CLMP: variants seen among roughly 807,000 people sequenced by gnomAD.
CLMP encodes CXADR like cell adhesion molecule.
CLMP carries 27 observed loss-of-function variants against 45.2 expected under a neutral mutation model. The observed-to-expected ratio is 0.60, with a 90% CI of 0.44 to 0.82. The LOEUF is 0.82. Among genes scored for constraint, CLMP ranks in the 40% least tolerant of loss-of-function variants. The probability of loss-of-function intolerance (pLI) is 0.00; values close to 1 mark genes in which losing one functional copy is unlikely to be tolerated. For missense variants in CLMP, 403 were observed against 448.4 expected, an observed-to-expected ratio of 0.90 and a Z score of 0.91; for synonymous variants, 167 against 171.4, an observed-to-expected ratio of 0.97 and a Z score of 0.20.
chr11:123,134,639 C>A (rs898697027), intron 1 of CLMP, among the ~76,000 whole-genome samples: 2 of 145,562 alleles, frequency 1.4e-5, no homozygotes, highest in Non-Finnish European at 3.0e-5. Context: ...TGGTGAAACC[C>A]CATTTCTACT....
intron 2 of CLMP, among the ~76,000 whole-genome samples, chr11:123,086,957 G>A (rs753454937): frequency 3.3e-4 from 50 of 152,282 alleles, no homozygotes; most frequent in Admixed American, 1.9e-3. Flanking sequence ...ATTTTGGGAC[G>A]CCAAGGCAAG....
chr11:123,162,728 T>C (rs571825881), intron 1 of CLMP, among the ~76,000 whole-genome samples: 1 of 150,694 alleles, frequency 6.6e-6, no homozygotes, highest in Non-Finnish European at 1.5e-5. Context: ...AAACATTGTC[T>C]CTAAAAAAAA....
chr11:123,125,444 A>T (rs1591468070), intron 1 of CLMP, among the ~76,000 whole-genome samples: 2 of 110,752 alleles, frequency 1.8e-5, no homozygotes, highest in African/African-American at 3.4e-5. Flanking sequence ...CCCAGCACTC[A>T]CTCTCCCTTC....
chr11:123,128,035 CA>C (rs35399534), intron 1 of CLMP, among the ~76,000 whole-genome samples: 26,643 of 91,718 alleles, frequency 0.29, 2,811 homozygotes, highest in Middle Eastern at 0.4. Context: ...GACTCTGTCT[CA>C]AAAAAAAAAA....
chr11:123,162,558 G>T (rs1261769941), intron 1 of CLMP, among the ~76,000 whole-genome samples: 4 of 152,104 alleles, frequency 2.6e-5, no homozygotes, highest in Non-Finnish European at 5.9e-5. Context: ...TATGGGGTTT[G>T]CTGAGAGAGA....
intron 1 of CLMP, among the ~76,000 whole-genome samples, chr11:123,144,474 C>T (rs1164627327): frequency 6.6e-6 from 1 of 152,184 alleles, no homozygotes; most frequent in Non-Finnish European, 1.5e-5. Context: ...TGGGTTCAAG[C>T]GATTCTCCTG....
intron 5 of CLMP, among the ~76,000 whole-genome samples, chr11:123,078,298 A>G (rs1865763120): frequency 6.6e-6 from 1 of 152,200 alleles, no homozygotes; most frequent in African/African-American, 2.4e-5. Context: ...CTCTAGCTAT[A>G]AGCAACAACA....
chr11:123,136,904 A>G (rs1298511805), intron 1 of CLMP, among the ~76,000 whole-genome samples: 1 of 151,922 alleles, frequency 6.6e-6, no homozygotes, highest in Non-Finnish European at 1.5e-5. Context: ...TTAGTAATTT[A>G]CCAAAAATGG....
At chr11:123,082,087 G>A (rs1179821616) in intron 5 of CLMP, among the ~76,000 whole-genome samples, 1 of 152,122 alleles carries the variant, frequency 6.6e-6, no homozygotes, top group African/African-American at 2.4e-5. Flanking sequence ...ATGTACACAC[G>A]TGTGTGTGCA....
At chr11:123,152,910 T>C (rs1861358633) in intron 1 of CLMP, among the ~76,000 whole-genome samples, 1 of 152,134 alleles carries the variant, frequency 6.6e-6, no homozygotes, top group African/African-American at 2.4e-5. Flanking sequence ...ATCTTGAGCA[T>C]AGAGGTTGTG....
intron 1 of CLMP, among the ~76,000 whole-genome samples, chr11:123,141,166 G>A (rs1053671698): frequency 7.1e-6 from 1 of 139,884 alleles, no homozygotes; most frequent in Non-Finnish European, 1.5e-5. Flanking sequence ...TCCAATCTCA[G>A]GCATTCCTTT....
At chr11:123,128,369 ATG>A (rs1402258095) in intron 1 of CLMP, among the ~76,000 whole-genome samples, 2 of 114,818 alleles carry the variant, frequency 1.7e-5, no homozygotes, top group African/African-American at 8.0e-5. Context: ...CAGGCCTGTA[ATG>A]CCAGCATGGT....
At chr11:123,193,458 T>A (rs541531362) in intron 1 of CLMP, among the ~76,000 whole-genome samples, 17 of 152,238 alleles carry the variant, frequency 1.1e-4, no homozygotes, top group Non-Finnish European at 1.5e-4. Flanking sequence ...GTAAAGGGAA[T>A]CAAGGTGCCA....
chr11:123,086,357 A>G (rs905799896), intron 2 of CLMP, among the ~76,000 whole-genome samples: 1 of 152,198 alleles, frequency 6.6e-6, no homozygotes, highest in African/African-American at 2.4e-5. Context: ...AGGCTTTGAG[A>G]GGCAAGGAGA....
At chr11:123,130,093 C>T (rs1860963705) in intron 1 of CLMP, among the ~76,000 whole-genome samples, 2 of 152,042 alleles carry the variant, frequency 1.3e-5, no homozygotes, top group South Asian at 4.1e-4. Flanking sequence ...GAGTGGAAAC[C>T]TCTCTTCATA....
At chr11:123,184,267 G>A (rs1453347475) in intron 1 of CLMP, among the ~76,000 whole-genome samples, 1 of 152,048 alleles carries the variant, frequency 6.6e-6, no homozygotes, top group African/African-American at 2.4e-5. Flanking sequence ...GCTAATTTTT[G>A]TATTTTTAGT....
chr11:123,194,335 C>A (rs1861949139), intron 1 of CLMP, among the ~76,000 whole-genome samples: 1 of 152,132 alleles, frequency 6.6e-6, no homozygotes, highest in African/African-American at 2.4e-5. Flanking sequence ...GTTTTACATT[C>A]CTGTTCTCCT....
At chr11:123,137,254 C>T (rs1483611954) in intron 1 of CLMP, among the ~76,000 whole-genome samples, 1 of 147,968 alleles carries the variant, frequency 6.8e-6, no homozygotes, top group Non-Finnish European at 1.5e-5. Context: ...CCCGGGTTCA[C>T]GCCATTCTCC....
intron 1 of CLMP, among the ~76,000 whole-genome samples, chr11:123,174,290 AAT>A (rs1861671861): frequency 6.6e-6 from 1 of 152,130 alleles, no homozygotes; most frequent in South Asian, 2.1e-4. Flanking sequence ...GGGAACAGGA[AAT>A]AGCTTAAAAG....
Sources: gnomAD v4.1 joint callset for allele counts (sites outside exome capture counted in the v4.1 genomes callset) on GRCh38, gnomAD v4.1.1 for gene constraint, MANE v1.5 for transcripts, NCBI Gene and HGNC (gene_info 2026-07-23, HGNC 2026-07-21) for gene names.